FERMT2: variants seen among roughly 807,000 people sequenced by gnomAD.
FERMT2 encodes the protein fermitin family homolog 2.
A neutral mutation model predicts 82.7 loss-of-function variants in FERMT2; 15 were observed. That is an observed-to-expected ratio of 0.18 (90% confidence interval 0.12 to 0.28). The LOEUF (loss-of-function observed/expected upper bound fraction) is 0.28. Ranked by LOEUF, FERMT2 falls within the 10% of genes least tolerant of loss-of-function variation. The pLI, the probability that FERMT2 is intolerant of heterozygous loss-of-function variation, is 1.00. For missense variants in FERMT2, 645 were observed against 809.4 expected (o/e 0.80, Z 2.46); for synonymous variants, 274 against 271.5 (o/e 1.01, Z -0.09).
chr14:52,887,266 T>A (rs1262863838), intron 4 of FERMT2, among the ~76,000 whole-genome samples: 1 of 151,954 alleles, frequency 6.6e-6, no homozygotes, highest in East Asian at 1.9e-4. Flanking sequence ...GCCTCCCTAG[T>A]AGCTATCCCA....
intron 4 of FERMT2, 21 bp from the exon 5 acceptor site, chr14:52,881,490 C>T (rs1886294218): frequency 1.3e-6 from 2 of 1,530,414 alleles, no homozygotes; most frequent in Admixed American, 3.4e-5. Flanking sequence ...ACATGAAAAA[C>T]AGGTAGTAAG....
At chr14:52,886,942 AAT>A (rs1469995126) in intron 4 of FERMT2, among the ~76,000 whole-genome samples, 13 of 152,226 alleles carry the variant, frequency 8.5e-5, no homozygotes, top group African/African-American at 1.9e-4. Flanking sequence ...GTAATTAAAA[AAT>A]ATATGAGGTC....
chr14:52,922,930 G>C (rs950265010), intron 2 of FERMT2, among the ~76,000 whole-genome samples: 1 of 152,090 alleles, frequency 6.6e-6, no homozygotes, highest in Non-Finnish European at 1.5e-5. Flanking sequence ...GAACATCAAC[G>C]AGCGTATTCA....
rs550933354 is a variant in FERMT2 at position 52,859,065 on chromosome 14, G to T, written c.1869+508C>A. Reference sequence around the variant, plus strand: ...ATACTCGTATACTCCAAGACTGGGGGCAACATGATGTACAGTGGTAAATGT... The same window carrying T: ...ATACTCGTATACTCCAAGACTGGGGTCAACATGATGTACAGTGGTAAATGT... On this transcript the variant is annotated intron_variant, in intron 14 of 14. Coordinates refer to ENST00000341590, the MANE Select transcript of FERMT2 (RefSeq NM_006832.3). The T allele has an allele frequency of 1.3e-4, 21 of 156,976 alleles. No individual in the cohort carries two copies. The South Asian group carries it at 4.1e-3, about 31-fold the overall frequency. 9.7% of individuals were successfully genotyped at this position (156,976 alleles called of 1,614,324 possible). A position where few individuals can be genotyped will look rare whatever the true frequency, so the allele number is the denominator to read the frequency against.
chr14:52,874,262 A>G, intron 8 of FERMT2, 36 bp from the exon 9 acceptor site: 1 of 1,389,376 alleles, frequency 7.2e-7, no homozygotes. Flanking sequence ...AATTTTTTTA[A>G]TATTTGAAAT....
At chr14:52,935,966 A>G (rs762470025) in intron 2 of FERMT2, among the ~76,000 whole-genome samples, 1 of 152,228 alleles carries the variant, frequency 6.6e-6, no homozygotes, top group Non-Finnish European at 1.5e-5. Context: ...GCATAAACAG[A>G]AAGTATGCCA....
chr14:52,919,968 G>A (rs1018371322), intron 2 of FERMT2, among the ~76,000 whole-genome samples: 6 of 152,122 alleles, frequency 3.9e-5, no homozygotes, highest in South Asian at 2.1e-4. Context: ...ATAGATCCCC[G>A]AAAATGGATC....
At position 52,919,345 on chromosome 14, in the gene FERMT2, CT is replaced by C. The variant is rs1225761410; in HGVS notation, c.168del (p.Asp57IlefsTer17). On this transcript the variant is annotated frameshift_variant, in exon 3 of 15. Coordinates refer to ENST00000341590, the MANE Select transcript of FERMT2 (RefSeq NM_006832.3). LOFTEE classifies it high-confidence loss of function. Reference protein sequence around the residue: ...LKLVEKLDVKKDWSDHALWWE... With the variant: ...LKLVEKLDVKXDWSDHALWWE... ...CACCAGAGAGCATGGTCAGACCAATCTTTTTTTACATCTATAAAAAACAAAC... is the reference window on the plus strand; with the variant it reads ...CACCAGAGAGCATGGTCAGACCAATCTTTTTTACATCTATAAAAAACAAAC... 4 of 1,593,912 alleles carry C rather than the reference CT, an allele frequency of 2.5e-6. No individual in the cohort carries two copies. The highest frequency in any genetic ancestry group is 3.4e-6 in the Non-Finnish European group (4 of 1,169,988).
chr14:52,938,046 T>C (rs925686566), intron 2 of FERMT2, among the ~76,000 whole-genome samples: 1 of 152,200 alleles, frequency 6.6e-6, no homozygotes, highest in African/African-American at 2.4e-5. Context: ...ATTTTGTTTA[T>C]AAGGACACTA....
chr14:52,930,510 G>C (rs1375890137), intron 2 of FERMT2, among the ~76,000 whole-genome samples: 1 of 152,166 alleles, frequency 6.6e-6, no homozygotes, highest in Non-Finnish European at 1.5e-5. Context: ...CACCTGCAGA[G>C]AGTGAGTTGG....
chr14:52,886,060 T>TATCA (rs1427249483), intron 4 of FERMT2, among the ~76,000 whole-genome samples: 1 of 152,022 alleles, frequency 6.6e-6, no homozygotes, highest in African/African-American at 2.4e-5. Flanking sequence ...ATAAAGAATC[T>TATCA]ATCATTTGAA....
chr14:52,922,013 CA>C (rs374725071), intron 2 of FERMT2, among the ~76,000 whole-genome samples: 114 of 152,218 alleles, frequency 7.5e-4, no homozygotes, highest in Non-Finnish European at 1.4e-3. Flanking sequence ...AGTCCACCAG[CA>C]CATGTCACTT....
At chr14:52,933,735 AAAG>A (rs200220179) in intron 2 of FERMT2, among the ~76,000 whole-genome samples, 1,611 of 103,420 alleles carry the variant, frequency 0.016, 158 homozygotes, top group East Asian at 0.13. Flanking sequence ...AAAAAAAAAA[AAAG>A]GGAAAAGAAA....
chr14:52,931,066 G>A (rs1037097392), intron 2 of FERMT2, among the ~76,000 whole-genome samples: 2 of 152,140 alleles, frequency 1.3e-5, no homozygotes, highest in African/African-American at 2.4e-5. Flanking sequence ...TTTAAAAAGC[G>A]AAAGAGGAGG....
intron 3 of FERMT2, among the ~76,000 whole-genome samples, chr14:52,911,140 T>C (rs1337881184): frequency 6.6e-6 from 1 of 152,184 alleles, no homozygotes; most frequent in Admixed American, 6.5e-5. Flanking sequence ...GTAAATATTT[T>C]AGGGTATGCA....
chr14:52,943,499 A>C (rs1047584202), intron 2 of FERMT2, among the ~76,000 whole-genome samples: 2 of 152,218 alleles, frequency 1.3e-5, no homozygotes, highest in Non-Finnish European at 2.9e-5. Context: ...GGAAAAAAAC[A>C]AAGGCCATTA....
At chr14:52,950,711 G>T (rs1890594292) in intron 1 of FERMT2, 134 bp from the exon 2 acceptor site, 1 of 844,678 alleles carries the variant, frequency 1.2e-6, no homozygotes, top group Non-Finnish European at 1.8e-6. Flanking sequence ...ACTCGGGAGG[G>T]CGGCGGCGGC....
rs543046189 is a variant in FERMT2, at chr14:52,918,508, C to G, written c.391+615G>C. Among the ~76,000 whole-genome samples the G allele has an allele frequency of 2.0e-5, 3 of 152,284 alleles. No individual in the cohort carries two copies. In the South Asian group the frequency reaches 6.2e-4, roughly 32 times the overall value. On this transcript the variant is annotated intron_variant, in intron 3 of 14. Coordinates refer to ENST00000341590, the MANE Select transcript of FERMT2 (RefSeq NM_006832.3). ...AAATATGAGAAGTCACTAAATGTATCTTTAACCAAGAATTTCTCAAATAGG... is the reference window on the plus strand; with the variant it reads ...AAATATGAGAAGTCACTAAATGTATGTTTAACCAAGAATTTCTCAAATAGG...
intron 3 of FERMT2, among the ~76,000 whole-genome samples, chr14:52,916,447 A>T (rs1888620421): frequency 6.6e-6 from 1 of 152,208 alleles, no homozygotes; most frequent in African/African-American, 2.4e-5. Flanking sequence ...AGAAACCAAT[A>T]TGAAAAGGCT....
Sources: allele counts gnomAD v4.1 joint callset (sites outside exome capture counted in the v4.1 genomes callset), GRCh38; gene constraint gnomAD v4.1.1; transcripts MANE v1.5; gene names NCBI Gene and HGNC (gene_info 2026-07-23, HGNC 2026-07-21).